Variants in CTNNA2 observed in about 807,000 individuals in gnomAD.
CTNNA2 encodes the protein catenin alpha 2.
CTNNA2 carries 42 observed loss-of-function variants against 101.0 expected under a neutral mutation model. That is an observed-to-expected ratio of 0.42 (90% CI 0.32 to 0.54). The LOEUF is 0.54. CTNNA2 is among the 20% of genes least tolerant of loss of function. The pLI is 0.14. For missense variants in CTNNA2, 871 were observed against 1,223.1 expected (o/e 0.71, Z 4.29); for synonymous variants, 450 against 456.4 (o/e 0.99, Z 0.18).
At position 79,835,352 on chromosome 2, in the gene CTNNA2, G is replaced by A. The variant is rs1449881342; in HGVS notation, c.299-22661G>A. 2.6e-5 allele frequency among the ~76,000 whole-genome samples: 4 copies of A among 152,260 alleles called. No individual in the cohort carries two copies. In the East Asian group the frequency reaches 7.7e-4, roughly 29 times the overall value. ...TATATTTTAAATAGCAATGAAATGT[G>A]CATGTAGAATCAGTCAGCTAATATA... On this transcript the variant is annotated intron_variant, in intron 3 of 18. Coordinates refer to ENST00000402739, the MANE Select transcript of CTNNA2 (RefSeq NM_001282597.3).
chr2:79,729,093 A>G (rs1223896454), intron 2 of CTNNA2, among the ~76,000 whole-genome samples: 1 of 152,166 alleles, frequency 6.6e-6, no homozygotes, highest in African/African-American at 2.4e-5. Context: ...ATTTGAAGTA[A>G]CTTAAGGATA....
intron 7 of CTNNA2, among the ~76,000 whole-genome samples, chr2:80,238,717 T>C (rs546321406): frequency 6.6e-6 from 1 of 151,930 alleles, no homozygotes; most frequent in Non-Finnish European, 1.5e-5. Flanking sequence ...GAAAGAGAAA[T>C]AGAGGGATGG....
intron 1 of CTNNA2, among the ~76,000 whole-genome samples, chr2:79,549,307 A>T (rs1324490549): frequency 6.6e-6 from 1 of 152,228 alleles, no homozygotes; most frequent in Non-Finnish European, 1.5e-5. Context: ...GCCTCTTAGC[A>T]CATGGGTCGG....
chr2:80,642,773 C>G (rs188893986), intron 18 of CTNNA2, among the ~76,000 whole-genome samples: 14 of 152,094 alleles, frequency 9.2e-5, no homozygotes, highest in African/African-American at 3.4e-4. Context: ...ATACTTATTA[C>G]GATGTTCTTC....
chr2:79,558,368 T>C (rs2104108712), intron 1 of CTNNA2, among the ~76,000 whole-genome samples: 1 of 152,056 alleles, frequency 6.6e-6, no homozygotes, highest in East Asian at 1.9e-4. Flanking sequence ...GCCTAATAGG[T>C]ACCAAAATTC....
Position 80,140,160 on chromosome 2 carries a change from C to T in CTNNA2, c.1056+230363C>T, listed in dbSNP as rs151120491. The stretch of plus-strand genomic sequence containing the variant: ...GCTACGAGTGACTGAATCAAGTCAG[C>T]AAAGAACAACAGTCAGGCACGAAAG... On this transcript the variant is annotated intron_variant, in intron 7 of 18. Transcript: ENST00000402739. Among the ~76,000 whole-genome samples the T allele has an allele frequency of 3.4e-3, 522 of 152,266 alleles. 2 individuals are homozygous for T. Among genetic ancestry groups the T allele is most frequent in the African/African-American group, 0.011 (471 of 41,538 alleles).
chr2:79,544,554 G>A (rs984565074), intron 1 of CTNNA2, among the ~76,000 whole-genome samples: 5 of 152,148 alleles, frequency 3.3e-5, no homozygotes, highest in African/African-American at 1.2e-4. Context: ...TTGTGTAACT[G>A]ATAAAGGCAG....
At chr2:80,149,362 G>A (rs1046704171) in intron 7 of CTNNA2, among the ~76,000 whole-genome samples, 5 of 152,060 alleles carry the variant, frequency 3.3e-5, no homozygotes, top group South Asian at 2.1e-4. Flanking sequence ...CTGTAGAAAC[G>A]CTACCTCTAG....
intron 9 of CTNNA2, among the ~76,000 whole-genome samples, chr2:80,419,834 C>T (rs1344570545): frequency 6.6e-6 from 1 of 151,766 alleles, no homozygotes; most frequent in African/African-American, 2.4e-5. Flanking sequence ...ACATATCTGC[C>T]ATTTTTCCTG....
At chr2:79,230,897 G>A (rs2104238136) in intron 2 of CTNNA2, among the ~76,000 whole-genome samples, 1 of 152,316 alleles carries the variant, frequency 6.6e-6, no homozygotes, top group East Asian at 1.9e-4. Context: ...TTTCAGATTT[G>A]CATGGGGCCT....
intron 8 of CTNNA2, among the ~76,000 whole-genome samples, chr2:80,410,886 T>A (rs1262454681): frequency 6.6e-6 from 1 of 152,174 alleles, no homozygotes; most frequent in South Asian, 2.1e-4. Context: ...ATGGAAAAGA[T>A]GTATTTAAGA....
intron 3 of CTNNA2, among the ~76,000 whole-genome samples, chr2:79,327,462 C>A (rs1676773200): frequency 6.6e-6 from 1 of 152,162 alleles, no homozygotes; most frequent in Non-Finnish European, 1.5e-5. Context: ...TCTTCATTCT[C>A]CTGTTCACCT....
chr2:80,178,640 G>T (rs900444424), intron 7 of CTNNA2, among the ~76,000 whole-genome samples: 1 of 152,150 alleles, frequency 6.6e-6, no homozygotes, highest in African/African-American at 2.4e-5. Flanking sequence ...CTCAAAACTG[G>T]CAGCCTTTCA....
rs908361782 is a variant in CTNNA2 at position 80,309,374 on chromosome 2, T to C, written c.1057-83837T>C. ...TCTATAAAGCAATCCCTTTTTCTTCTTCTGAACTCCATTAGCAGCTTACTT... is the reference window on the plus strand; with the variant it reads ...TCTATAAAGCAATCCCTTTTTCTTCCTCTGAACTCCATTAGCAGCTTACTT... On this transcript the variant is annotated intron_variant, in intron 7 of 18. Coordinates refer to ENST00000402739, the MANE Select transcript of CTNNA2 (RefSeq NM_001282597.3). 3.9e-5 allele frequency among the ~76,000 whole-genome samples: 6 copies of C among 152,320 alleles called. No individual in the cohort carries two copies. The South Asian group carries it at 1.2e-3, about 32-fold the overall frequency.
rs146819219 is a variant in CTNNA2, at chr2:80,243,827, G to A, written c.1057-149384G>A. ...GTACCTAGAATAGGTTTATATGAAA[G>A]AGTATGTTTGACTTTTTAAGGAACA... On this transcript the variant is annotated intron_variant, in intron 7 of 18. Coordinates refer to ENST00000402739, the MANE Select transcript of CTNNA2 (RefSeq NM_001282597.3). Among the ~76,000 whole-genome samples, 621 of 152,306 alleles carry A rather than the reference G, an allele frequency of 4.1e-3. 6 individuals are homozygous for A. The highest frequency in any genetic ancestry group is 0.024 in the Middle Eastern group (7 of 294).
chr2:80,473,384 G>A (rs1408833642), intron 9 of CTNNA2, among the ~76,000 whole-genome samples: 3 of 152,074 alleles, frequency 2.0e-5, no homozygotes, highest in Non-Finnish European at 2.9e-5. Context: ...ATCATGAAGG[G>A]CTTTTTCTAA....
chr2:80,078,776 G>T (rs1440497567), intron 7 of CTNNA2, among the ~76,000 whole-genome samples: 1 of 152,044 alleles, frequency 6.6e-6, no homozygotes, highest in East Asian at 1.9e-4. Flanking sequence ...ATTTTGCCAG[G>T]GGCATTTGGT....
At chr2:79,626,897 G>A (rs914211392) in intron 1 of CTNNA2, among the ~76,000 whole-genome samples, 23 of 152,042 alleles carry the variant, frequency 1.5e-4, no homozygotes, top group Admixed American at 1.0e-3. Flanking sequence ...CAATTTTCCC[G>A]TAATGCTTAT....
chr2:80,604,042 G>C, intron 15 of CTNNA2, 32 bp from the exon 16 acceptor site: 2 of 1,579,910 alleles, frequency 1.3e-6, no homozygotes, highest in Non-Finnish European at 1.7e-6. Flanking sequence ...TCATTAAGTG[G>C]ATTTCTAATT....
Sources: gnomAD v4.1 joint callset for allele counts (sites outside exome capture counted in the v4.1 genomes callset) on GRCh38, gnomAD v4.1.1 for gene constraint, MANE v1.5 for transcripts, NCBI Gene and HGNC (gene_info 2026-07-23, HGNC 2026-07-21) for gene names.